ADAMTS17: variants seen among roughly 807,000 people sequenced by gnomAD.
The protein encoded by ADAMTS17 is A disintegrin and metalloproteinase with thrombospondin motifs 17.
ADAMTS17 carries 113 observed loss-of-function variants against 141.5 expected under a neutral mutation model. The observed-to-expected ratio is 0.80, with a 90% CI of 0.69 to 0.93. ADAMTS17 has a LOEUF of 0.93. ADAMTS17 is among the 40% of genes least tolerant of loss of function. ADAMTS17 has a pLI of 0.00. For synonymous variants in ADAMTS17, 768 were observed against 630.6 expected, an observed-to-expected ratio of 1.22 and a Z score of -3.27; for missense variants, 1,659 against 1,517.9, an observed-to-expected ratio of 1.09 and a Z score of -1.54.
rs546651878 is a variant in ADAMTS17, at chr15:99,982,863, C to T, written c.2950-6641G>A. Among the ~76,000 whole-genome samples the T allele has an allele frequency of 2.6e-5, 4 of 152,274 alleles. No homozygotes were observed. In the East Asian group the frequency reaches 5.8e-4, roughly 22 times the overall value. On this transcript the variant is annotated intron_variant, in intron 20 of 21. Coordinates refer to ENST00000268070, the MANE Select transcript of ADAMTS17 (RefSeq NM_139057.4). ...CAGCTGTGCGTCGGAGCTGGCTGCC[C>T]GGTGGAGAGGCAGCCTCTGCATCTG...
intron 3 of ADAMTS17, among the ~76,000 whole-genome samples, chr15:100,301,225 G>A (rs1373452930): frequency 6.6e-6 from 1 of 152,040 alleles, no homozygotes; most frequent in Non-Finnish European, 1.5e-5. Flanking sequence ...TATTTCAACT[G>A]GGGATTTTAA....
At chr15:100,056,020 T>C (rs1262185972) in intron 15 of ADAMTS17, among the ~76,000 whole-genome samples, 1 of 152,226 alleles carries the variant, frequency 6.6e-6, no homozygotes, top group African/African-American at 2.4e-5. Flanking sequence ...GTCTAGATTT[T>C]ATGACTAATG....
intron 18 of ADAMTS17, among the ~76,000 whole-genome samples, chr15:100,040,391 G>C (rs759023494): frequency 6.6e-6 from 1 of 152,112 alleles, no homozygotes; most frequent in Non-Finnish European, 1.5e-5. Flanking sequence ...TTGGGGCAGC[G>C]GCTGTTGTTG....
At chr15:100,187,409 G>C (rs191374218) in intron 8 of ADAMTS17, among the ~76,000 whole-genome samples, 5 of 152,260 alleles carry the variant, frequency 3.3e-5, no homozygotes, top group Admixed American at 3.3e-4. Context: ...CACTTTGTAG[G>C]AGTTGCTATA....
At chr15:100,160,278 T>G (rs1419497130) in intron 8 of ADAMTS17, among the ~76,000 whole-genome samples, 1 of 152,168 alleles carries the variant, frequency 6.6e-6, no homozygotes, top group African/African-American at 2.4e-5. Flanking sequence ...GGGGCACAAG[T>G]CGATGGAGGA....
chr15:100,131,030 G>A (rs371149947), intron 12 of ADAMTS17, among the ~76,000 whole-genome samples: 10 of 151,994 alleles, frequency 6.6e-5, no homozygotes, highest in African/African-American at 1.7e-4. Flanking sequence ...GGAATACTAC[G>A]CAGCCATAAA....
intron 8 of ADAMTS17, among the ~76,000 whole-genome samples, chr15:100,181,504 G>C (rs2040523286): frequency 6.6e-6 from 1 of 152,234 alleles, no homozygotes; most frequent in African/African-American, 2.4e-5. Flanking sequence ...ATTCAGGGCT[G>C]ACTAGGGGCT....
Position 100,296,158 on chromosome 15 carries a change from C to T in ADAMTS17, c.617-14757G>A, listed in dbSNP as rs193018492. Among the ~76,000 whole-genome samples the T allele has an allele frequency of 7.0e-4, 107 of 152,084 alleles. 2 individuals carry two copies. The highest frequency in any genetic ancestry group is 5.6e-4 in the Non-Finnish European group (38 of 68,026). On this transcript the variant is annotated intron_variant, in intron 3 of 21. Transcript: ENST00000268070. ...AGGAAACCCAAGCCAAGCAGTGAGCCGGCAGCAGGTTTTCAGGTGTCGTAC... is the reference window on the plus strand; with the variant it reads ...AGGAAACCCAAGCCAAGCAGTGAGCTGGCAGCAGGTTTTCAGGTGTCGTAC...
At chr15:100,096,508 G>C in intron 14 of ADAMTS17, 32 bp from the exon 15 acceptor site, 2 of 1,613,834 alleles carry the variant, frequency 1.2e-6, no homozygotes, top group South Asian at 1.1e-5. Flanking sequence ...TTATTCTGTG[G>C]TTAAGACTCA....
At chr15:100,168,986 G>A (rs1215738152) in intron 8 of ADAMTS17, among the ~76,000 whole-genome samples, 2 of 152,152 alleles carry the variant, frequency 1.3e-5, no homozygotes. Flanking sequence ...GATGTGTTGG[G>A]CATCGTGGTG....
At chr15:100,325,177 C>G (rs145377192) in intron 3 of ADAMTS17, among the ~76,000 whole-genome samples, 1 of 152,288 alleles carries the variant, frequency 6.6e-6, no homozygotes, top group African/African-American at 2.4e-5. Flanking sequence ...TATCCTACAA[C>G]AGACATCACC....
At chr15:100,010,707 T>C (rs1479712118) in intron 18 of ADAMTS17, among the ~76,000 whole-genome samples, 1 of 152,208 alleles carries the variant, frequency 6.6e-6, no homozygotes, top group Non-Finnish European at 1.5e-5. Context: ...CCATGCATAG[T>C]CCTGAAGACC....
At chr15:100,202,381 G>T (rs956028597) in intron 7 of ADAMTS17, among the ~76,000 whole-genome samples, 2 of 152,156 alleles carry the variant, frequency 1.3e-5, no homozygotes, top group African/African-American at 2.4e-5. Flanking sequence ...GATCAAGGTC[G>T]AGTGCTTTTA....
At chr15:100,090,471 T>G (rs1373789205) in intron 15 of ADAMTS17, among the ~76,000 whole-genome samples, 1 of 152,216 alleles carries the variant, frequency 6.6e-6, no homozygotes, top group Admixed American at 6.5e-5. Flanking sequence ...GCAAGGTCCC[T>G]GTGCAGCTGA....
chr15:100,123,208 C>A (rs1023489626), intron 12 of ADAMTS17, among the ~76,000 whole-genome samples: 3 of 152,178 alleles, frequency 2.0e-5, no homozygotes, highest in Admixed American at 6.5e-5. Context: ...ACCGGAGAGA[C>A]CACCCTCACA....
chr15:100,054,263 G>A (rs2032381517), intron 15 of ADAMTS17, among the ~76,000 whole-genome samples: 1 of 152,128 alleles, frequency 6.6e-6, no homozygotes, highest in African/African-American at 2.4e-5. Context: ...CAGACCCCTA[G>A]GATCCCCAGG....
intron 15 of ADAMTS17, among the ~76,000 whole-genome samples, chr15:100,078,632 G>A (rs1385602874): frequency 6.6e-6 from 1 of 152,118 alleles, no homozygotes; most frequent in Non-Finnish European, 1.5e-5. Context: ...GAAAACATAG[G>A]GGTAAATCTT....
At chr15:100,308,225 C>T (rs1341100602) in intron 3 of ADAMTS17, among the ~76,000 whole-genome samples, 1 of 152,220 alleles carries the variant, frequency 6.6e-6, no homozygotes, top group African/African-American at 2.4e-5. Context: ...GCTTGATCGT[C>T]CAGCCTTGTC....
At chr15:100,213,861 C>T (rs762487016) in intron 7 of ADAMTS17, among the ~76,000 whole-genome samples, 3 of 152,328 alleles carry the variant, frequency 2.0e-5, no homozygotes, top group Admixed American at 2.0e-4. Flanking sequence ...CCGTCCCAGC[C>T]GGGACCCCTG....
Sources: gnomAD v4.1 joint callset for allele counts (sites outside exome capture counted in the v4.1 genomes callset) on GRCh38, gnomAD v4.1.1 for gene constraint, MANE v1.5 for transcripts, NCBI Gene and HGNC (gene_info 2026-07-23, HGNC 2026-07-21) for gene names.